Variants in FBN2 observed in about 807,000 individuals in gnomAD.
FBN2 encodes fibrillin-2.
FBN2 carries 105 observed loss-of-function variants against 355.6 expected under a neutral mutation model. The ratio of observed to expected loss-of-function variants is 0.30; its 90% CI spans 0.25 to 0.35. FBN2 has a LOEUF of 0.35. Ranked by LOEUF, FBN2 falls within the 10% of genes least tolerant of loss-of-function variation. The pLI is 1.00. For synonymous variants in FBN2, 1,350 were observed against 1,301.2 expected (o/e 1.04, Z -0.81); for missense variants, 3,280 against 3,758.7 (o/e 0.87, Z 3.33).
At chr5:128,322,947 T>C (rs1003673472) in intron 34 of FBN2, among the ~76,000 whole-genome samples, 2 of 152,204 alleles carry the variant, frequency 1.3e-5, no homozygotes, top group Non-Finnish European at 2.9e-5. Context: ...CTTATTTCCT[T>C]GAGCAGTGGT....
At chr5:128,364,225 A>G (rs1751710716) in intron 18 of FBN2, among the ~76,000 whole-genome samples, 1 of 152,152 alleles carries the variant, frequency 6.6e-6, no homozygotes, top group Non-Finnish European at 1.5e-5. Flanking sequence ...TTCTTTATGA[A>G]GTTAAAATTC....
chr5:128,532,505 C>A (rs1415189544), intron 2 of FBN2, among the ~76,000 whole-genome samples: 1 of 152,140 alleles, frequency 6.6e-6, no homozygotes, highest in Non-Finnish European at 1.5e-5. Context: ...TTCTCTCTTT[C>A]GGCACAAGGG....
chr5:128,395,001 G>A, intron 9 of FBN2, 121 bp downstream of exon 9: 1 of 1,132,278 alleles, frequency 8.8e-7, no homozygotes. Context: ...GCCCAGGCTG[G>A]TTTTGAACTT....
chr5:128,264,162 T>G (rs2126796300), intron 62 of FBN2, among the ~76,000 whole-genome samples: 1 of 152,298 alleles, frequency 6.6e-6, no homozygotes. Context: ...ACATGTACAC[T>G]TTAAAAGAGA....
chr5:128,472,574 C>A (rs1754893601), intron 5 of FBN2, among the ~76,000 whole-genome samples: 1 of 151,978 alleles, frequency 6.6e-6, no homozygotes, highest in Admixed American at 6.6e-5. Context: ...GGCAGATCAC[C>A]TGAGGTTGGG....
intron 21 of FBN2, among the ~76,000 whole-genome samples, chr5:128,350,342 G>A (rs1751313815): frequency 6.6e-6 from 1 of 152,100 alleles, no homozygotes; most frequent in Non-Finnish European, 1.5e-5. Context: ...CTTGAAGTCA[G>A]GAGTTGGAGA....
rs544065166 is a variant in FBN2 at position 128,488,271 on chromosome 5, G to A, written c.629-23350C>T. Among the ~76,000 whole-genome samples the A allele has an allele frequency of 2.6e-5, 4 of 152,266 alleles. No individual in the cohort carries two copies. In the South Asian group the frequency reaches 6.2e-4, roughly 24 times the overall value. ...TTCTGGTCCAACTGCCAGGGTGTAA[G>A]GGACTAAGGCTTGCTGTGCTAGCAG... is the stretch of plus-strand genomic sequence containing the variant. On this transcript the variant is annotated intron_variant, in intron 5 of 64. Coordinates refer to ENST00000262464, the MANE Select transcript of FBN2 (RefSeq NM_001999.4).
intron 7 of FBN2, among the ~76,000 whole-genome samples, chr5:128,435,962 T>C (rs774608163): frequency 6.6e-6 from 1 of 152,194 alleles, no homozygotes; most frequent in Non-Finnish European, 1.5e-5. Context: ...TAGACTTTTA[T>C]AGAAACCTAT....
At chr5:128,411,155 T>C (rs1353371920) in intron 7 of FBN2, among the ~76,000 whole-genome samples, 1 of 151,984 alleles carries the variant, frequency 6.6e-6, no homozygotes, top group Non-Finnish European at 1.5e-5. Flanking sequence ...GGAGCCAGGA[T>C]GAGTGTTTCC....
Position 128,393,337 on chromosome 5 carries a change from A to C in FBN2, c.1263T>G (p.Leu421=), listed in dbSNP as rs747569021. 3.7e-6 allele frequency: 6 copies of C among 1,614,068 alleles called. No individual in the cohort carries two copies. The highest frequency in any genetic ancestry group is 5.1e-6 in the Non-Finnish European group (6 of 1,180,022). The change falls in exon 10 of 65, where the codon CTT becomes CTG. Residue 421 remains leucine, a synonymous_variant. Transcript: ENST00000262464. ...EEYRRLCMDG[L]PMGGIPGSAG... ...CACTCCCTGGAATTCCTCCCATTGG[A>C]AGTCCATCCATGCAAAGTCTGCGAT...
At chr5:128,522,277 T>A (rs1253034198) in intron 4 of FBN2, among the ~76,000 whole-genome samples, 1 of 152,284 alleles carries the variant, frequency 6.6e-6, no homozygotes, top group South Asian at 2.1e-4. Flanking sequence ...TCTGACAGAC[T>A]GCAAGAACTC....
intron 25 of FBN2, among the ~76,000 whole-genome samples, chr5:128,341,372 G>A (rs895917263): frequency 6.6e-6 from 1 of 152,146 alleles, no homozygotes; most frequent in African/African-American, 2.4e-5. Flanking sequence ...GGATTTGACC[G>A]TGGGAACTTA....
At chr5:128,455,916 G>T (rs1445490419) in intron 6 of FBN2, among the ~76,000 whole-genome samples, 1 of 148,610 alleles carries the variant, frequency 6.7e-6, no homozygotes, top group Non-Finnish European at 1.5e-5. Flanking sequence ...GCCCCCCGGG[G>T]GTTGTGGCGA....
chr5:128,316,118 GTCTCCAGTCT>G (rs1330661311), intron 36 of FBN2, among the ~76,000 whole-genome samples: 1 of 152,170 alleles, frequency 6.6e-6, no homozygotes, highest in Admixed American at 6.5e-5. Flanking sequence ...CAAGTAAGGT[GTCTCCAGTCT>G]TCTCTTGCAC....
intron 48 of FBN2, among the ~76,000 whole-genome samples, chr5:128,292,724 C>T (rs1749361369): frequency 6.6e-6 from 1 of 152,144 alleles, no homozygotes. Context: ...GCTCATGCTG[C>T]CTATGTTTCC....
intron 16 of FBN2, 46 bp downstream of exon 16, chr5:128,369,136 T>A (rs1386183850): frequency 6.3e-7 from 1 of 1,595,422 alleles, no homozygotes; most frequent in Non-Finnish European, 8.6e-7. Flanking sequence ...TCTAAGGTTG[T>A]ATTTCTTGAT....
Position 128,309,274 on chromosome 5 carries a change from A to C in FBN2, c.5326T>G (p.Cys1776Gly). The C allele has an allele frequency of 6.2e-7, 1 of 1,614,120 alleles. No individual in the cohort carries two copies. ...YNVGKAWNKP[C>G]EPCPTPGTAD... ...GTTCCTGGAGTTGGGCATGGTTCAC[A>C]AGGTTTGTTCCAGGCTTTGCCCACA... The change falls in exon 41 of 65, where the codon TGT (cysteine) becomes GGT (glycine). Residue 1776 changes from cysteine (C) to glycine (G), a missense_variant. Physicochemically the swap from Cys to Gly is radical, Grantham distance 159 (BLOSUM62 -3). Around this residue, in one of 6 missense-constraint regions of FBN2, gnomAD observed 2,284 missense variants for 2,749.5 expected, o/e 0.83. Coordinates refer to ENST00000262464, the MANE Select transcript of FBN2 (RefSeq NM_001999.4).
chr5:128,319,494 AAATTTAGTT>A (rs138805675), intron 34 of FBN2, among the ~76,000 whole-genome samples: 31,893 of 150,218 alleles, frequency 0.21, 3,508 homozygotes, highest in African/African-American at 0.26. Flanking sequence ...TTAATTAAAT[AAATTTAGTT>A]AATTTAGTTA....
intron 58 of FBN2, among the ~76,000 whole-genome samples, chr5:128,276,435 T>A (rs1448578862): frequency 6.6e-6 from 1 of 152,238 alleles, no homozygotes; most frequent in Non-Finnish European, 1.5e-5. Flanking sequence ...TACTTTGGTT[T>A]ACAACCTGAG....
Sources: gnomAD v4.1 joint callset for allele counts (sites outside exome capture counted in the v4.1 genomes callset) on GRCh38, gnomAD v4.1.1 for gene constraint, gnomAD v4.1.1 regional missense constraint, MANE v1.5 for transcripts, NCBI Gene and HGNC (gene_info 2026-07-23, HGNC 2026-07-21) for gene names.